THEMIS: variants seen among roughly 807,000 people sequenced by gnomAD.
The protein encoded by THEMIS is thymocyte selection associated.
A neutral mutation model predicts 52.6 loss-of-function variants in THEMIS; 37 were observed. The ratio of observed to expected loss-of-function variants is 0.70; its 90% CI spans 0.54 to 0.93. The LOEUF is 0.93. Ranked by LOEUF, THEMIS falls within the 40% of genes least tolerant of loss-of-function variation. The pLI, the probability that THEMIS is intolerant of heterozygous loss-of-function variation, is 0.00. For missense variants in THEMIS, 808 were observed against 763.1 expected, an observed-to-expected ratio of 1.06 and a Z score of -0.69; for synonymous variants, 292 against 272.7, an observed-to-expected ratio of 1.07 and a Z score of -0.70.
chr6:127,845,835 T>C (rs1779194629), intron 2 of THEMIS, among the ~76,000 whole-genome samples: 1 of 151,614 alleles, frequency 6.6e-6, no homozygotes, highest in Admixed American at 6.6e-5. Flanking sequence ...ATAAAAAAAA[T>C]TGAAAAGTTC....
chr6:127,759,065 A>G (rs1173761398), intron 4 of THEMIS, among the ~76,000 whole-genome samples: 1 of 152,128 alleles, frequency 6.6e-6, no homozygotes, highest in Admixed American at 6.5e-5. Context: ...TACATACAGA[A>G]ATTGGTTGTG....
At chr6:127,804,122 A>G (rs182508778) in intron 4 of THEMIS, among the ~76,000 whole-genome samples, 52 of 152,276 alleles carry the variant, frequency 3.4e-4, no homozygotes, top group African/African-American at 1.1e-3. Context: ...AAAGAGACCA[A>G]AGACTGAGCT....
At chr6:127,790,102 T>C (rs1039287433) in intron 4 of THEMIS, among the ~76,000 whole-genome samples, 4 of 152,248 alleles carry the variant, frequency 2.6e-5, no homozygotes, top group African/African-American at 9.6e-5. Context: ...TGTTTGCAGA[T>C]GACATGATTG....
intron 4 of THEMIS, among the ~76,000 whole-genome samples, chr6:127,736,195 G>A (rs2114543698): frequency 6.6e-6 from 1 of 152,226 alleles, no homozygotes; most frequent in South Asian, 2.1e-4. Flanking sequence ...TGGGGTTTTA[G>A]TGATACATGT....
chr6:127,791,903 G>A (rs1207099381), intron 4 of THEMIS, among the ~76,000 whole-genome samples: 1 of 152,230 alleles, frequency 6.6e-6, no homozygotes, highest in African/African-American at 2.4e-5. Context: ...AGTGGGCACT[G>A]GGAATGGGCA....
intron 1 of THEMIS, among the ~76,000 whole-genome samples, chr6:127,864,552 G>T (rs1200319227): frequency 6.6e-6 from 1 of 152,072 alleles, no homozygotes; most frequent in Non-Finnish European, 1.5e-5. Context: ...GGCCTGATTT[G>T]AAGACACCAT....
intron 4 of THEMIS, among the ~76,000 whole-genome samples, chr6:127,730,463 A>G (rs1272450891): frequency 7.7e-6 from 1 of 130,602 alleles, no homozygotes; most frequent in Non-Finnish European, 1.6e-5. Context: ...GAAAGAAAGA[A>G]AGAGAAAGAG....
At chr6:127,782,071 C>T (rs1776763410) in intron 4 of THEMIS, among the ~76,000 whole-genome samples, 1 of 152,208 alleles carries the variant, frequency 6.6e-6, no homozygotes, top group South Asian at 2.1e-4. Flanking sequence ...GTTTGAACTT[C>T]CCTTCCCGGT....
intron 4 of THEMIS, among the ~76,000 whole-genome samples, chr6:127,810,871 G>GAAA (rs36037018): frequency 6.9e-6 from 1 of 144,798 alleles, no homozygotes. Flanking sequence ...CAGTAGGCTG[G>GAAA]AAAAAAAAAA....
chr6:127,888,962 A>G (rs1446570681), intron 1 of THEMIS, among the ~76,000 whole-genome samples: 1 of 152,146 alleles, frequency 6.6e-6, no homozygotes, highest in Non-Finnish European at 1.5e-5. Flanking sequence ...CATAATAAAA[A>G]TAATTTATTG....
intron 4 of THEMIS, among the ~76,000 whole-genome samples, chr6:127,799,182 G>A (rs1201410170): frequency 6.6e-6 from 1 of 152,106 alleles, no homozygotes; most frequent in African/African-American, 2.4e-5. Context: ...GCCACAACAC[G>A]TTCTCAGCAA....
intron 4 of THEMIS, among the ~76,000 whole-genome samples, chr6:127,762,377 A>T (rs1776050743): frequency 6.6e-6 from 1 of 152,114 alleles, no homozygotes; most frequent in Non-Finnish European, 1.5e-5. Flanking sequence ...AATTTGTTAC[A>T]ATGATAGATC....
chr6:127,896,040 CTTTTTA>C (rs2114488153), intron 1 of THEMIS, among the ~76,000 whole-genome samples: 1 of 151,062 alleles, frequency 6.6e-6, no homozygotes, highest in African/African-American at 2.4e-5. Flanking sequence ...ATGTTTAACA[CTTTTTA>C]ATGTAAAAAA....
At chr6:127,747,022 A>G (rs1400629146) in intron 4 of THEMIS, among the ~76,000 whole-genome samples, 35 of 81,310 alleles carry the variant, frequency 4.3e-4, no homozygotes, top group African/African-American at 1.8e-3. Flanking sequence ...ATATATAATT[A>G]TATATAGATA....
At chr6:127,897,359 A>T in intron 1 of THEMIS, among the ~76,000 whole-genome samples, 1 of 151,504 alleles carries the variant, frequency 6.6e-6, no homozygotes, top group Non-Finnish European at 1.5e-5. Flanking sequence ...GAAACTATAG[A>T]CTAAGAAAGT....
chr6:127,764,845 T>C (rs1438974047), intron 4 of THEMIS, among the ~76,000 whole-genome samples: 1 of 152,004 alleles, frequency 6.6e-6, no homozygotes, highest in Non-Finnish European at 1.5e-5. Context: ...CTCTCTCTCT[T>C]TCCACATTAT....
At chr6:127,751,753 G>A (rs1363330428) in intron 4 of THEMIS, among the ~76,000 whole-genome samples, 1 of 151,590 alleles carries the variant, frequency 6.6e-6, no homozygotes, top group Admixed American at 6.6e-5. Flanking sequence ...CTAATGTTAG[G>A]GGACTCTAAT....
At chr6:127,858,230 C>G (rs1779681619) in intron 1 of THEMIS, among the ~76,000 whole-genome samples, 1 of 152,018 alleles carries the variant, frequency 6.6e-6, no homozygotes, top group African/African-American at 2.4e-5. Context: ...ACAAGAAAAG[C>G]TTTTGACTCT....
chr6:127,757,735 G>A (rs529207668), intron 4 of THEMIS, among the ~76,000 whole-genome samples: 1 of 151,976 alleles, frequency 6.6e-6, no homozygotes, highest in Admixed American at 6.6e-5. Context: ...GGCCCGCCTC[G>A]GCCTCCCAAA....
Sources: gnomAD v4.1 joint callset for allele counts (sites outside exome capture counted in the v4.1 genomes callset) on GRCh38, gnomAD v4.1.1 for gene constraint, MANE v1.5 for transcripts, NCBI Gene and HGNC (gene_info 2026-07-23, HGNC 2026-07-21) for gene names.